PLA2G4A: variants seen among roughly 807,000 people sequenced by gnomAD.
The protein encoded by PLA2G4A is cytosolic phospholipase A2.
In PLA2G4A, 40 loss-of-function variants were observed where a neutral mutation model predicts 81.9. The observed-to-expected ratio is 0.49, with a 90% confidence interval of 0.38 to 0.64. The LOEUF (loss-of-function observed/expected upper bound fraction) is 0.64, where lower values mean the gene tolerates loss of function less well. Ranked by LOEUF, PLA2G4A falls within the 30% of genes least tolerant of loss-of-function variation. The pLI is 0.00. For missense variants in PLA2G4A, 715 were observed against 905.1 expected (o/e 0.79, Z 2.69); for synonymous variants, 302 against 296.9 (o/e 1.02, Z -0.18).
intron 1 of PLA2G4A, among the ~76,000 whole-genome samples, chr1:186,851,911 ACT>A (rs1652386559): frequency 6.6e-6 from 1 of 152,076 alleles, no homozygotes; most frequent in Non-Finnish European, 1.5e-5. Context: ...TAAAGGAGAA[ACT>A]CATATCGATA....
intron 7 of PLA2G4A, among the ~76,000 whole-genome samples, chr1:186,913,733 A>G (rs1454531936): frequency 6.6e-6 from 1 of 152,218 alleles, no homozygotes; most frequent in East Asian, 1.9e-4. Flanking sequence ...TTTTTCATAA[A>G]ATAATTTCAT....
chr1:186,945,022 T>C (rs1336891700), intron 10 of PLA2G4A, among the ~76,000 whole-genome samples: 1 of 152,038 alleles, frequency 6.6e-6, no homozygotes, highest in Non-Finnish European at 1.5e-5. Flanking sequence ...ATTACAGACA[T>C]ATTATAATTT....
chr1:186,861,420 C>T (rs12720500), intron 2 of PLA2G4A, among the ~76,000 whole-genome samples: 5,955 of 152,222 alleles, frequency 0.039, 387 homozygotes, highest in African/African-American at 0.14. Context: ...TCTTTTTCAC[C>T]TTTGCTCTCT....
chr1:186,871,372 A>G (rs1452911067), intron 3 of PLA2G4A, among the ~76,000 whole-genome samples: 3 of 151,762 alleles, frequency 2.0e-5, no homozygotes, highest in East Asian at 1.9e-4. Flanking sequence ...AACATCTTAG[A>G]TTTAATAATG....
intron 8 of PLA2G4A, 106 bp downstream of exon 8, chr1:186,933,005 T>A: frequency 1.2e-6 from 1 of 849,312 alleles, no homozygotes; most frequent in Non-Finnish European, 1.9e-6. Flanking sequence ...ATCATTAATT[T>A]AAATTACTGA....
intron 3 of PLA2G4A, among the ~76,000 whole-genome samples, chr1:186,873,216 A>C (rs898646861): frequency 2.0e-5 from 3 of 152,084 alleles, no homozygotes; most frequent in Admixed American, 2.0e-4. Context: ...TCTGGTGAGA[A>C]AAGGCACAGG....
rs552296339 is a variant in PLA2G4A at position 186,967,254 on chromosome 1, G to C, written c.1764+1661G>C. Among the ~76,000 whole-genome samples the C allele has an allele frequency of 6.6e-4, 101 of 152,048 alleles. 2 individuals carry two copies. The highest frequency in any genetic ancestry group is 2.4e-3 in the African/African-American group (100 of 41,472). On this transcript the variant is annotated intron_variant, in intron 15 of 17. Transcript: ENST00000367466. ...TGCTTTCATACTTTATCTATTTTTGGGGTAGTAAAGGTATTCAGACAAAGA... is the reference window on the plus strand; with the variant it reads ...TGCTTTCATACTTTATCTATTTTTGCGGTAGTAAAGGTATTCAGACAAAGA...
intron 1 of PLA2G4A, among the ~76,000 whole-genome samples, chr1:186,841,247 T>G (rs1488233927): frequency 6.6e-6 from 1 of 152,210 alleles, no homozygotes. Context: ...AAGTGATTCT[T>G]TTTGAGCTTT....
intron 10 of PLA2G4A, among the ~76,000 whole-genome samples, chr1:186,946,184 G>A (rs917905444): frequency 2.2e-4 from 34 of 152,116 alleles, no homozygotes; most frequent in Non-Finnish European, 4.7e-4. Flanking sequence ...GACAGTTAGT[G>A]AGCAAAATTG....
intron 1 of PLA2G4A, among the ~76,000 whole-genome samples, chr1:186,850,772 G>T (rs939213323): frequency 6.6e-6 from 1 of 151,976 alleles, no homozygotes; most frequent in East Asian, 1.9e-4. Flanking sequence ...CAAGTATAAA[G>T]TCAATAGGGC....
intron 7 of PLA2G4A, among the ~76,000 whole-genome samples, chr1:186,914,006 A>C (rs1158094519): frequency 3.3e-5 from 5 of 152,208 alleles, no homozygotes; most frequent in Non-Finnish European, 7.3e-5. Flanking sequence ...TTTTTGCTTA[A>C]AGGAAACTAA....
intron 13 of PLA2G4A, among the ~76,000 whole-genome samples, chr1:186,953,556 T>C (rs539752394): frequency 9.2e-5 from 14 of 152,248 alleles, no homozygotes; most frequent in Non-Finnish European, 1.9e-4. Context: ...TTTAGTCATA[T>C]GATTTTGAGC....
intron 1 of PLA2G4A, among the ~76,000 whole-genome samples, chr1:186,829,621 G>T (rs1483379169): frequency 1.3e-5 from 2 of 151,636 alleles, no homozygotes; most frequent in African/African-American, 4.9e-5. Context: ...AAGTTACTTG[G>T]CTTGCCAAGA....
chr1:186,872,628 A>G (rs1653322299), intron 3 of PLA2G4A, among the ~76,000 whole-genome samples: 1 of 151,976 alleles, frequency 6.6e-6, no homozygotes, highest in Admixed American at 6.6e-5. Context: ...GTCTCTTTCA[A>G]CTGGTGTGGA....
At chr1:186,978,296 G>A (rs1657601895) in intron 16 of PLA2G4A, among the ~76,000 whole-genome samples, 2 of 152,012 alleles carry the variant, frequency 1.3e-5, no homozygotes, top group Non-Finnish European at 2.9e-5. Context: ...CATATCCAGA[G>A]GGGTCTCTCG....
chr1:186,888,411 C>T (rs1471098357), intron 3 of PLA2G4A, among the ~76,000 whole-genome samples: 1 of 152,042 alleles, frequency 6.6e-6, no homozygotes, highest in African/African-American at 2.4e-5. Context: ...AGGAACTTCA[C>T]TTGCAGCTTG....
chr1:186,930,702 A>G (rs139369089), intron 7 of PLA2G4A, among the ~76,000 whole-genome samples: 8 of 152,202 alleles, frequency 5.3e-5, no homozygotes, highest in African/African-American at 1.9e-4. Context: ...ATGCCCCCAT[A>G]TAATTTTTGA....
intron 3 of PLA2G4A, among the ~76,000 whole-genome samples, chr1:186,887,270 A>C (rs1167941681): frequency 6.6e-6 from 1 of 152,086 alleles, no homozygotes; most frequent in Admixed American, 6.6e-5. Context: ...CTACTGATGA[A>C]GGGGAAATAG....
At chr1:186,956,779 G>T (rs996366746) in intron 14 of PLA2G4A, among the ~76,000 whole-genome samples, 1 of 152,122 alleles carries the variant, frequency 6.6e-6, no homozygotes, top group African/African-American at 2.4e-5. Context: ...CTCCCAAAGT[G>T]CTGGGACTGC....
Sources: allele counts gnomAD v4.1 joint callset (sites outside exome capture counted in the v4.1 genomes callset), GRCh38; gene constraint gnomAD v4.1.1; transcripts MANE v1.5; gene names NCBI Gene and HGNC (gene_info 2026-07-23, HGNC 2026-07-21).